RARB: variants seen among roughly 807,000 people sequenced by gnomAD.
The protein encoded by RARB is retinoic acid receptor beta.
In RARB, 17 loss-of-function variants were observed where a neutral mutation model predicts 51.9. The ratio of observed to expected loss-of-function variants is 0.33; its 90% confidence interval spans 0.22 to 0.49. RARB has a LOEUF of 0.49. Ranked by LOEUF, RARB falls within the 20% of genes least tolerant of loss-of-function variation. The pLI is 0.99. For synonymous variants in RARB, 215 were observed against 195.4 expected (o/e 1.10, Z -0.84); for missense variants, 369 against 550.8 (o/e 0.67, Z 3.30).
intron 5 of RARB, among the ~76,000 whole-genome samples, chr3:25,331,427 T>G (rs1704892027): frequency 6.6e-6 from 1 of 152,190 alleles, no homozygotes; most frequent in Non-Finnish European, 1.5e-5. Context: ...GAATGACTAC[T>G]GGATACATAA....
At chr3:25,443,757 C>T (rs1340410369) in intron 1 of RARB, among the ~76,000 whole-genome samples, 2 of 151,754 alleles carry the variant, frequency 1.3e-5, no homozygotes, top group African/African-American at 4.8e-5. Flanking sequence ...CATGGTGAAA[C>T]CCTATTTCTA....
At chr3:25,120,548 T>TCTCTCTCG (rs1457022712) in intron 3 of RARB, among the ~76,000 whole-genome samples, 3 of 151,800 alleles carry the variant, frequency 2.0e-5, no homozygotes, top group Non-Finnish European at 2.9e-5. Flanking sequence ...TCTCTCTCTC[T>TCTCTCTCG]CTCTCTCTCT....
intron 1 of RARB, among the ~76,000 whole-genome samples, chr3:25,440,339 G>A (rs796694648): frequency 3.1e-4 from 47 of 151,968 alleles, no homozygotes; most frequent in African/African-American, 1.1e-3. Context: ...CTAGCTACTC[G>A]GGAGGCTAGG....
At chr3:25,451,497 G>C (rs1040650188) in intron 1 of RARB, among the ~76,000 whole-genome samples, 5 of 152,190 alleles carry the variant, frequency 3.3e-5, no homozygotes, top group Admixed American at 3.3e-4. Flanking sequence ...GTTATTTTGA[G>C]GCTGTTCATA....
intron 5 of RARB, among the ~76,000 whole-genome samples, chr3:25,327,833 A>G (rs1036325822): frequency 2.0e-4 from 30 of 152,228 alleles, no homozygotes; most frequent in Admixed American, 1.4e-3. Context: ...CTATTTGACT[A>G]TAGGCAAGTA....
At chr3:25,208,188 G>C (rs1405004578) in intron 5 of RARB, among the ~76,000 whole-genome samples, 1 of 152,018 alleles carries the variant, frequency 6.6e-6, no homozygotes, top group African/African-American at 2.4e-5. Context: ...GCCAACACTG[G>C]GGATTACATC....
At chr3:25,008,176 G>C (rs949419519) in intron 2 of RARB, among the ~76,000 whole-genome samples, 2 of 152,054 alleles carry the variant, frequency 1.3e-5, no homozygotes, top group African/African-American at 4.8e-5. Context: ...TGTTTCGTTT[G>C]GGCAGTTCAG....
At chr3:25,235,021 G>A (rs1440138775) in intron 5 of RARB, among the ~76,000 whole-genome samples, 1 of 152,066 alleles carries the variant, frequency 6.6e-6, no homozygotes. Context: ...CAGTTCATAG[G>A]GGGCCCCCTT....
intron 5 of RARB, among the ~76,000 whole-genome samples, chr3:25,318,633 G>A (rs1322459281): frequency 1.3e-5 from 2 of 152,074 alleles, no homozygotes; most frequent in Admixed American, 1.3e-4. Flanking sequence ...ACAATGACAG[G>A]GATCTGCTCA....
intron 5 of RARB, among the ~76,000 whole-genome samples, chr3:25,586,797 A>G (rs1193170451): frequency 6.6e-6 from 1 of 152,214 alleles, no homozygotes; most frequent in East Asian, 1.9e-4. Flanking sequence ...AGTAGAGACA[A>G]GAGCCCAGGC....
At chr3:25,593,787 C>A in intron 6 of RARB, 80 bp downstream of exon 6, 1 of 1,402,674 alleles carries the variant, frequency 7.1e-7, no homozygotes, top group Non-Finnish European at 9.8e-7. Flanking sequence ...TTCCTCATTT[C>A]CCTTTTGGAG....
intron 1 of RARB, among the ~76,000 whole-genome samples, chr3:24,853,387 CT>C (rs1244464716): frequency 1.3e-5 from 2 of 152,192 alleles, no homozygotes; most frequent in African/African-American, 4.8e-5. Context: ...TCAATTCTCA[CT>C]GTTGTAAAAT....
chr3:25,486,419 G>A (rs1476484403), intron 2 of RARB, among the ~76,000 whole-genome samples: 4 of 152,146 alleles, frequency 2.6e-5, no homozygotes, highest in Admixed American at 2.0e-4. Flanking sequence ...TTGGGTAGAG[G>A]TAGAAGTCAC....
chr3:25,454,298 A>T (rs1694778883), intron 1 of RARB, among the ~76,000 whole-genome samples: 1 of 152,206 alleles, frequency 6.6e-6, no homozygotes, highest in African/African-American at 2.4e-5. Context: ...TCCTGCAGTG[A>T]ATCCACAGAA....
intron 3 of RARB, among the ~76,000 whole-genome samples, chr3:25,565,474 T>C (rs1305202501): frequency 6.6e-6 from 1 of 152,200 alleles, no homozygotes; most frequent in Admixed American, 6.5e-5. Context: ...ACTGTTTTAT[T>C]GTATGATGAA....
At chr3:24,904,513 T>C (rs533260496) in intron 2 of RARB, among the ~76,000 whole-genome samples, 5 of 152,190 alleles carry the variant, frequency 3.3e-5, no homozygotes, top group South Asian at 2.1e-4. Flanking sequence ...CAGGAAACAA[T>C]GGATGCTGGA....
chr3:25,299,892 T>A (rs951834927), intron 5 of RARB, among the ~76,000 whole-genome samples: 1 of 152,228 alleles, frequency 6.6e-6, no homozygotes, highest in African/African-American at 2.4e-5. Context: ...TGTGGAAAAG[T>A]CAAATAATTG....
chr3:25,157,611 C>T (rs1210999795), intron 4 of RARB, among the ~76,000 whole-genome samples: 3 of 151,920 alleles, frequency 2.0e-5, no homozygotes, highest in Non-Finnish European at 4.4e-5. Context: ...TGACCAGGCT[C>T]GTCTCAAACT....
chr3:24,906,746 G>A (rs991569157), intron 2 of RARB, among the ~76,000 whole-genome samples: 1 of 149,842 alleles, frequency 6.7e-6, no homozygotes, highest in Non-Finnish European at 1.5e-5. Flanking sequence ...TTGGGAAGCT[G>A]AGGAAGGGAA....
Sources: allele counts gnomAD v4.1 joint callset (sites outside exome capture counted in the v4.1 genomes callset), GRCh38; gene constraint gnomAD v4.1.1; transcripts MANE v1.5; gene names NCBI Gene and HGNC (gene_info 2026-07-23, HGNC 2026-07-21).